The following APBB2 variants were observed in gnomAD, a reference collection of about 807,000 sequenced individuals.
The protein encoded by APBB2 is Fe65-like 1.
In APBB2, 38 loss-of-function variants were observed where a neutral mutation model predicts 82.5. The observed-to-expected ratio is 0.46, with a 90% CI of 0.36 to 0.60. APBB2 has a LOEUF of 0.60. Among genes scored for constraint, APBB2 ranks in the 20% least tolerant of loss-of-function variants. The pLI is 0.00. For synonymous variants in APBB2, 341 were observed against 368.2 expected (o/e 0.93, Z 0.85); for missense variants, 772 against 972.3 (o/e 0.79, Z 2.74).
chr4:40,984,279 G>T (rs1309683933), intron 6 of APBB2, among the ~76,000 whole-genome samples: 1 of 152,156 alleles, frequency 6.6e-6, no homozygotes, highest in Non-Finnish European at 1.5e-5. Flanking sequence ...GTTAACATTT[G>T]TGTGTCTTAC....
chr4:40,999,501 C>A (rs1804559550), intron 6 of APBB2, among the ~76,000 whole-genome samples: 1 of 152,172 alleles, frequency 6.6e-6, no homozygotes, highest in Admixed American at 6.5e-5. Context: ...ATTCTAGGCA[C>A]TAAGGATATG....
At chr4:40,860,699 G>T (rs1436569276) in intron 12 of APBB2, among the ~76,000 whole-genome samples, 1 of 152,158 alleles carries the variant, frequency 6.6e-6, no homozygotes, top group Non-Finnish European at 1.5e-5. Flanking sequence ...GTTTCCCGTT[G>T]TATTTTCGGC....
At chr4:40,944,399 A>T (rs960620852) in intron 7 of APBB2, among the ~76,000 whole-genome samples, 1 of 152,222 alleles carries the variant, frequency 6.6e-6, no homozygotes, top group Non-Finnish European at 1.5e-5. Flanking sequence ...GAAATTAAGC[A>T]TCTGAGGGCT....
At chr4:41,200,973 C>G (rs1187260683) in intron 1 of APBB2, among the ~76,000 whole-genome samples, 1 of 152,196 alleles carries the variant, frequency 6.6e-6, no homozygotes, top group African/African-American at 2.4e-5. Flanking sequence ...TAGCTGCATG[C>G]TCTCAAACAA....
At chr4:40,992,363 G>GGA (rs1553899634) in intron 6 of APBB2, among the ~76,000 whole-genome samples, 2 of 145,008 alleles carry the variant, frequency 1.4e-5, no homozygotes, top group Non-Finnish European at 1.5e-5. Context: ...GGTAGAGATG[G>GGA]GGGGGGGTCT....
chr4:40,997,275 T>C (rs887733928), intron 6 of APBB2, among the ~76,000 whole-genome samples: 1 of 152,178 alleles, frequency 6.6e-6, no homozygotes. Context: ...GCAATACTCA[T>C]CTCATTAAAT....
chr4:41,196,606 T>TC, intron 1 of APBB2, among the ~76,000 whole-genome samples: 2 of 117,654 alleles, frequency 1.7e-5, no homozygotes, highest in Admixed American at 8.2e-5. Flanking sequence ...CTGCTTTTTT[T>TC]TTTTTTTTTT....
intron 12 of APBB2, chr4:40,856,934 G>A (rs1761401552): frequency 2.0e-6 from 2 of 984,674 alleles, no homozygotes; most frequent in South Asian, 9.4e-5. Context: ...CGCCCGCCTC[G>A]CTGTCCCCGC....
intron 1 of APBB2, among the ~76,000 whole-genome samples, chr4:41,157,810 G>T (rs1763867181): frequency 6.6e-6 from 1 of 152,132 alleles, no homozygotes; most frequent in South Asian, 2.1e-4. Context: ...GGCCAACATG[G>T]TAAAACCCCG....
intron 3 of APBB2, among the ~76,000 whole-genome samples, chr4:41,086,498 G>A (rs1739718749): frequency 1.3e-5 from 2 of 152,224 alleles, no homozygotes; most frequent in Non-Finnish European, 2.9e-5. Context: ...TGGAATGCAA[G>A]GATAGTTCAA....
Position 40,935,091 on chromosome 4 carries a change from T to C in APBB2, c.1093A>G (p.Ser365Gly). Reference protein sequence around the residue: ...FAVLNGGKINSDIWKDLHAAT... With the variant: ...FAVLNGGKINGDIWKDLHAAT... ...AATATACTTGCCTTCCAAATGTCACTATTAATCTTTCCCCCATTCAGAACA... is the reference window on the plus strand; with the variant it reads ...AATATACTTGCCTTCCAAATGTCACCATTAATCTTTCCCCCATTCAGAACA... The change falls in exon 8 of 18, where the codon AGT becomes GGT. Residue 365 changes from serine to glycine, a missense_variant. Transcript: ENST00000508593. 6.5e-7 allele frequency: 1 copy of C among 1,535,276 alleles called. No individual in the cohort carries two copies. Among genetic ancestry groups the C allele is most frequent in the African/African-American group, 1.4e-5 (1 of 73,078 alleles).
intron 12 of APBB2, 143 bp from the exon 13 acceptor site, chr4:40,830,720 A>G: frequency 1.7e-6 from 1 of 603,854 alleles, no homozygotes; most frequent in Non-Finnish European, 3.0e-6. Context: ...TTAAATTACA[A>G]TAGCTTCCTA....
At chr4:40,899,062 T>C (rs574526051) in intron 10 of APBB2, among the ~76,000 whole-genome samples, 1 of 152,300 alleles carries the variant, frequency 6.6e-6, no homozygotes, top group African/African-American at 2.4e-5. Context: ...TTCCTCAGAC[T>C]GAAAGTAAAA....
chr4:40,880,637 A>C (rs921582402), intron 12 of APBB2: 16 of 985,302 alleles, frequency 1.6e-5, no homozygotes. Flanking sequence ...AGATCACGGC[A>C]CTTTGAGGAT....
At chr4:41,000,540 C>T (rs1353571501) in intron 6 of APBB2, among the ~76,000 whole-genome samples, 8 of 152,116 alleles carry the variant, frequency 5.3e-5, no homozygotes, top group East Asian at 1.9e-4. Flanking sequence ...GGATGTCTGA[C>T]CCTAAACCAC....
chr4:41,138,257 A>T (rs1267595447), intron 2 of APBB2: 1 of 152,214 alleles, frequency 6.6e-6, no homozygotes, highest in Non-Finnish European at 1.5e-5. Context: ...AAACATCAAA[A>T]TCATGAGCTT....
chr4:40,889,126 C>T (rs1351076588), intron 12 of APBB2, among the ~76,000 whole-genome samples: 16 of 152,250 alleles, frequency 1.1e-4, no homozygotes, highest in African/African-American at 3.9e-4. Context: ...ATTCATCACT[C>T]TGGTACGAAA....
chr4:40,934,475 T>C lies in APBB2; in HGVS notation c.1235A>G (p.Asn412Ser), dbSNP rs1437646547. Residue 412 changes from asparagine (N) to serine (S), a missense_variant, in exon 10 of 18, where the codon AAC (asparagine) becomes AGC (serine). By Grantham distance (46) the Asn-to-Ser change is conservative (BLOSUM62 1). Transcript: ENST00000508593. ...HPDDDDSCSI[N>S]SDPEAKCFAV... is the part of the protein sequence containing the mutation. ...ACAAACCTTGGCTTCTGGGTCACTG[T>C]TGATACTACAAGAATCATCATCATC... 3.1e-6 allele frequency: 5 copies of C among 1,614,104 alleles called. No individual in the cohort carries two copies. The highest frequency in any genetic ancestry group is 2.7e-5 in the African/African-American group (2 of 74,944).
rs184918528 is a variant in APBB2 at position 40,899,915 on chromosome 4, G to A, written c.1255-6504C>T. On this transcript the variant is annotated intron_variant, in intron 10 of 17. Coordinates refer to ENST00000508593, the MANE Select transcript of APBB2 (RefSeq NM_004307.2). ...GGATACAGGCCTTGCCTGTAACCAGGAAAGTCAGCCTCGGGGTACAGGACC... is the reference window on the plus strand; with the variant it reads ...GGATACAGGCCTTGCCTGTAACCAGAAAAGTCAGCCTCGGGGTACAGGACC... Among the ~76,000 whole-genome samples, 217 of 152,274 alleles carry A rather than the reference G, an allele frequency of 1.4e-3. 1 individual carries two copies. The highest frequency in any genetic ancestry group is 2.4e-3 in the Non-Finnish European group (162 of 68,030).
Sources: gnomAD v4.1 joint callset for allele counts (sites outside exome capture counted in the v4.1 genomes callset) on GRCh38, gnomAD v4.1.1 for gene constraint, MANE v1.5 for transcripts, NCBI Gene and HGNC (gene_info 2026-07-23, HGNC 2026-07-21) for gene names.